SPAM1: variants seen among roughly 807,000 people sequenced by gnomAD.
The protein encoded by SPAM1 is hyaluronidase PH-20.
In SPAM1, 22 loss-of-function variants were observed where a neutral mutation model predicts 29.6. That is an observed-to-expected ratio of 0.74 (90% CI 0.53 to 1.06). SPAM1 has a LOEUF of 1.06. Among genes scored for constraint, SPAM1 ranks in the 50% least tolerant of loss-of-function variants. The pLI, the probability that SPAM1 is intolerant of heterozygous loss-of-function variation, is 0.00. For missense variants in SPAM1, 534 were observed against 604.0 expected (o/e 0.88, Z 1.21); for synonymous variants, 194 against 204.6 (o/e 0.95, Z 0.44).
intron 1 of SPAM1, among the ~76,000 whole-genome samples, chr7:123,938,621 T>C (rs1348686836): frequency 6.6e-6 from 1 of 152,216 alleles, no homozygotes; most frequent in African/African-American, 2.4e-5. Context: ...GTAGTGGCTA[T>C]TTGGATCTTT....
intron 1 of SPAM1, among the ~76,000 whole-genome samples, chr7:123,926,550 G>A (rs556656229): frequency 9.8e-5 from 15 of 152,290 alleles, no homozygotes; most frequent in African/African-American, 2.4e-4. Flanking sequence ...TTATGGCCCC[G>A]TGACACAGCC....
chr7:123,926,984 A>T (rs935937413), intron 1 of SPAM1, among the ~76,000 whole-genome samples: 1 of 152,224 alleles, frequency 6.6e-6, no homozygotes, highest in South Asian at 2.1e-4. Context: ...GATTCTCTAT[A>T]GGATGTGGAT....
intron 1 of SPAM1, among the ~76,000 whole-genome samples, chr7:123,937,376 C>T (rs375473316): frequency 3.6e-4 from 54 of 152,072 alleles, no homozygotes; most frequent in South Asian, 2.5e-3. Flanking sequence ...CCAAGGCGGG[C>T]GGATCACAAA....
downstream of SPAM1, among the ~76,000 whole-genome samples, chr7:123,964,864 C>A (rs1792402891): frequency 6.6e-6 from 1 of 151,882 alleles, no homozygotes; most frequent in African/African-American, 2.4e-5. Context: ...ATTTTTGTAT[C>A]CTGTAGGAAA....
At chr7:123,933,967 A>G (rs569571999) in intron 1 of SPAM1, among the ~76,000 whole-genome samples, 1 of 152,256 alleles carries the variant, frequency 6.6e-6, no homozygotes, top group South Asian at 2.1e-4. Context: ...GCAACACATT[A>G]CTTCTTTTCT....
chr7:123,936,850 C>A (rs573998733), intron 1 of SPAM1, among the ~76,000 whole-genome samples: 6 of 152,272 alleles, frequency 3.9e-5, no homozygotes, highest in Admixed American at 3.9e-4. Context: ...AGGCAAAACA[C>A]CAGCAGTGTC....
At chr7:123,932,751 G>A (rs1808126307) in intron 1 of SPAM1, among the ~76,000 whole-genome samples, 1 of 152,200 alleles carries the variant, frequency 6.6e-6, no homozygotes, top group Admixed American at 6.5e-5. Flanking sequence ...GAAAGACAAG[G>A]ATAGTCTCTT....
chr7:123,957,619 G>A (rs999861626), intron 4 of SPAM1, among the ~76,000 whole-genome samples: 7 of 151,934 alleles, frequency 4.6e-5, no homozygotes, highest in African/African-American at 1.4e-4. Flanking sequence ...GAAGAAATTT[G>A]TTATCTTGTA....
At chr7:123,963,611 AT>A (rs1400215567), downstream of SPAM1, among the ~76,000 whole-genome samples, 1 of 151,890 alleles carries the variant, frequency 6.6e-6, no homozygotes, top group East Asian at 1.9e-4. Flanking sequence ...GCTGACTCTC[AT>A]TGCTTTTATA....
intron 4 of SPAM1, among the ~76,000 whole-genome samples, chr7:123,957,754 G>T (rs563575438): frequency 6.6e-6 from 1 of 151,978 alleles, no homozygotes; most frequent in Non-Finnish European, 1.5e-5. Context: ...TCACTTTCTT[G>T]TGCTTATAGC....
chr7:123,929,895 A>ATTTTTTTTTTT (rs71163712), intron 1 of SPAM1, among the ~76,000 whole-genome samples: 1,371 of 119,630 alleles, frequency 0.011, 43 homozygotes, highest in Non-Finnish European at 0.014. Flanking sequence ...GTGTTTAGGG[A>ATTTTTTTTTTT]TTTTTTTTTT....
chr7:123,967,699 G>A (rs1186009634), intron 5 of SPAM1, among the ~76,000 whole-genome samples: 1 of 151,872 alleles, frequency 6.6e-6, no homozygotes, highest in African/African-American at 2.4e-5. Flanking sequence ...GAAGGGGGAT[G>A]TGGTGGGAGA....
chr7:123,936,704 C>T (rs1253402406), intron 1 of SPAM1, among the ~76,000 whole-genome samples: 2 of 152,174 alleles, frequency 1.3e-5, no homozygotes, highest in African/African-American at 2.4e-5. Context: ...GGAATGGTTT[C>T]ACTCTGTAAT....
At chr7:123,946,464 A>G (rs996160663) in intron 1 of SPAM1, among the ~76,000 whole-genome samples, 1 of 152,164 alleles carries the variant, frequency 6.6e-6, no homozygotes, top group East Asian at 1.9e-4. Context: ...ACCAAAAGGT[A>G]TCTGAGATAT....
At chr7:123,937,513 A>G (rs575811651) in intron 1 of SPAM1, among the ~76,000 whole-genome samples, 223 of 148,392 alleles carry the variant, frequency 1.5e-3, no homozygotes, top group Non-Finnish European at 1.7e-3. Flanking sequence ...AGGCAGGAGA[A>G]TGGATTGAAC....
intron 1 of SPAM1, among the ~76,000 whole-genome samples, chr7:123,931,967 A>G (rs1224794241): frequency 6.6e-6 from 1 of 152,210 alleles, no homozygotes; most frequent in African/African-American, 2.4e-5. Flanking sequence ...AGTTTTAACA[A>G]CATGCCTATA....
intron 1 of SPAM1, among the ~76,000 whole-genome samples, chr7:123,942,436 G>A (rs2117040613): frequency 6.6e-6 from 1 of 152,248 alleles, no homozygotes; most frequent in African/African-American, 2.4e-5. Flanking sequence ...TCTTTCTCCA[G>A]TCCTATTTTC....
intron 1 of SPAM1, chr7:123,926,208 G>A (rs1440695501): frequency 6.6e-6 from 1 of 152,118 alleles, no homozygotes; most frequent in Non-Finnish European, 1.5e-5. Flanking sequence ...ATACATAATT[G>A]ACTATTCCCC....
intron 1 of SPAM1, among the ~76,000 whole-genome samples, chr7:123,949,219 G>T (rs1486624768): frequency 1.3e-5 from 2 of 152,062 alleles, no homozygotes; most frequent in African/African-American, 2.4e-5. Flanking sequence ...TGAGATTCAA[G>T]TTTGTTCTGG....
Sources: allele counts gnomAD v4.1 joint callset (sites outside exome capture counted in the v4.1 genomes callset), GRCh38; gene constraint gnomAD v4.1.1; transcripts MANE v1.5; gene names NCBI Gene and HGNC (gene_info 2026-07-23, HGNC 2026-07-21).